The following GRM8 variants were observed in gnomAD, a reference collection of about 807,000 sequenced individuals.
GRM8 encodes metabotropic glutamate receptor 8.
In GRM8, 47 loss-of-function variants were observed where a neutral mutation model predicts 87.2. That is an observed-to-expected ratio of 0.54 (90% CI 0.43 to 0.69). The LOEUF (loss-of-function observed/expected upper bound fraction) is 0.69, where lower values mean the gene tolerates loss of function less well. Ranked by LOEUF, GRM8 falls within the 30% of genes least tolerant of loss-of-function variation. GRM8 has a pLI of 0.00. For synonymous variants in GRM8, 396 were observed against 404.5 expected (o/e 0.98, Z 0.25); for missense variants, 1,019 against 1,139.2 (o/e 0.89, Z 1.52).
chr7:127,019,624 C>T (rs1816058591), intron 3 of GRM8, among the ~76,000 whole-genome samples: 1 of 152,022 alleles, frequency 6.6e-6, no homozygotes, highest in Non-Finnish European at 1.5e-5. Context: ...CCAGCTTGAA[C>T]AAGTATTACA....
chr7:127,005,119 CT>C (rs10531563), intron 3 of GRM8, among the ~76,000 whole-genome samples: 3,065 of 136,316 alleles, frequency 0.022, 41 homozygotes, highest in African/African-American at 0.037. Flanking sequence ...CTGCTAGGAA[CT>C]TTTTTTTTTT....
chr7:127,143,075 C>T (rs1054068738), intron 2 of GRM8, among the ~76,000 whole-genome samples: 3 of 152,162 alleles, frequency 2.0e-5, no homozygotes, highest in African/African-American at 7.2e-5. Context: ...CATTCCCCTT[C>T]TCCCTTTCAA....
intron 8 of GRM8, among the ~76,000 whole-genome samples, chr7:126,587,819 ATCAT>A (rs1796296257): frequency 6.6e-6 from 1 of 152,038 alleles, no homozygotes; most frequent in Non-Finnish European, 1.5e-5. Flanking sequence ...AACTTAAAGT[ATCAT>A]AAAAAAAAGA....
intron 9 of GRM8, among the ~76,000 whole-genome samples, chr7:126,464,419 C>T (rs537374537): frequency 6.6e-5 from 10 of 151,300 alleles, no homozygotes; most frequent in South Asian, 2.1e-4. Flanking sequence ...ATTTTTGAAT[C>T]GATTCTGTCA....
chr7:126,814,781 G>A (rs1793623270), intron 6 of GRM8, among the ~76,000 whole-genome samples: 2 of 148,434 alleles, frequency 1.3e-5, no homozygotes, highest in African/African-American at 5.0e-5. Flanking sequence ...TCAAAAATAA[G>A]CCACTGCCCT....
chr7:127,188,716 C>A (rs1043694820), intron 2 of GRM8, among the ~76,000 whole-genome samples: 2 of 152,144 alleles, frequency 1.3e-5, no homozygotes, highest in African/African-American at 2.4e-5. Context: ...TATCAAATAG[C>A]AAGCAAAGCT....
Position 126,825,952 on chromosome 7 carries a change from T to G in GRM8, c.1157-55887A>C, listed in dbSNP as rs189730256. Among the ~76,000 whole-genome samples, 673 of 150,550 alleles carry G rather than the reference T, an allele frequency of 4.5e-3. 5 individuals are homozygous for G. Among genetic ancestry groups the G allele is most frequent in the Admixed American group, 7.2e-3 (109 of 15,122 alleles). Reference sequence around the variant, plus strand: ...GTTCTCATTGTTCAATTCCCATCTATGAATGAGAACATGCAGTGTTTAGTT... The same window carrying G: ...GTTCTCATTGTTCAATTCCCATCTAGGAATGAGAACATGCAGTGTTTAGTT... On this transcript the variant is annotated intron_variant, in intron 6 of 10. Coordinates refer to ENST00000339582, the MANE Select transcript of GRM8 (RefSeq NM_000845.3).
At chr7:126,629,035 T>C (rs1451669185) in intron 7 of GRM8, among the ~76,000 whole-genome samples, 1 of 152,100 alleles carries the variant, frequency 6.6e-6, no homozygotes, top group Non-Finnish European at 1.5e-5. Context: ...ACTAAAACTA[T>C]GGAAAAGAAA....
At chr7:127,025,962 A>G (rs545126938) in intron 3 of GRM8, among the ~76,000 whole-genome samples, 47 of 151,930 alleles carry the variant, frequency 3.1e-4, no homozygotes, top group Non-Finnish European at 6.2e-4. Flanking sequence ...TCAACTCATC[A>G]TTTACATTAG....
At chr7:126,870,976 T>C (rs1239311885) in intron 6 of GRM8, among the ~76,000 whole-genome samples, 1 of 152,214 alleles carries the variant, frequency 6.6e-6, no homozygotes, top group Non-Finnish European at 1.5e-5. Flanking sequence ...AGAGGAAAAC[T>C]TATTTTGCTA....
At chr7:126,984,571 C>T (rs1248980828) in intron 3 of GRM8, among the ~76,000 whole-genome samples, 1 of 152,224 alleles carries the variant, frequency 6.6e-6, no homozygotes, top group Non-Finnish European at 1.5e-5. Flanking sequence ...CTTTGGGACT[C>T]GGACTGGCTT....
chr7:126,744,817 G>A (rs1815453608), intron 7 of GRM8, among the ~76,000 whole-genome samples: 1 of 151,862 alleles, frequency 6.6e-6, no homozygotes, highest in Non-Finnish European at 1.5e-5. Flanking sequence ...GAATGCAGTG[G>A]AAGATATAAG....
chr7:126,773,618 A>G (rs1490564568), intron 6 of GRM8, among the ~76,000 whole-genome samples: 4 of 152,300 alleles, frequency 2.6e-5, no homozygotes, highest in South Asian at 2.1e-4. Context: ...ATTTATAAAG[A>G]TACTCCTCAG....
chr7:127,222,907 C>T (rs1797025829), intron 2 of GRM8, among the ~76,000 whole-genome samples: 1 of 152,170 alleles, frequency 6.6e-6, no homozygotes, highest in Admixed American at 6.5e-5. Flanking sequence ...GTGCTTGAGA[C>T]TGGTTCTACC....
intron 6 of GRM8, among the ~76,000 whole-genome samples, chr7:126,810,747 A>G (rs528708590): frequency 6.6e-6 from 1 of 152,172 alleles, no homozygotes; most frequent in Non-Finnish European, 1.5e-5. Context: ...AAGGAACTTT[A>G]TGTACCTCAC....
rs996114420 is a variant in GRM8, at chr7:126,685,177, G to A, written c.1358-75679C>T. On this transcript the variant is annotated intron_variant, in intron 7 of 10. Coordinates refer to ENST00000339582, the MANE Select transcript of GRM8 (RefSeq NM_000845.3). This position sits in a 1 kb window ranked among gnomAD's most constrained non-coding sequence, Gnocchi z 4.2. Reference sequence around the variant, plus strand: ...TATGGGGAGTTCATGGGGAAGAGGCGAATAGTCCCTAGAGACTTCCCCTGG... The same window carrying A: ...TATGGGGAGTTCATGGGGAAGAGGCAAATAGTCCCTAGAGACTTCCCCTGG... Among the ~76,000 whole-genome samples, 22 of 152,316 alleles carry A rather than the reference G, an allele frequency of 1.4e-4. No homozygotes were observed. Among genetic ancestry groups the A allele is most frequent in the South Asian group, 4.1e-4 (2 of 4,824 alleles).
chr7:126,581,669 G>A (rs1020872027), intron 8 of GRM8, among the ~76,000 whole-genome samples: 30 of 152,050 alleles, frequency 2.0e-4, no homozygotes, highest in African/African-American at 7.0e-4. Flanking sequence ...TTTTTTGCAA[G>A]TTGAATGCCG....
intron 3 of GRM8, among the ~76,000 whole-genome samples, chr7:127,017,097 AT>A (rs1442024324): frequency 6.6e-6 from 1 of 152,088 alleles, no homozygotes; most frequent in African/African-American, 2.4e-5. Flanking sequence ...GAATGGGAAC[AT>A]CTAATCTGTC....
intron 7 of GRM8, among the ~76,000 whole-genome samples, chr7:126,722,246 T>C (rs1469667436): frequency 6.6e-6 from 1 of 152,296 alleles, no homozygotes; most frequent in Admixed American, 6.5e-5. Context: ...CCCTTCCTCT[T>C]ATATTTATTT....
Sources: allele counts gnomAD v4.1 joint callset (sites outside exome capture counted in the v4.1 genomes callset), GRCh38; gene constraint gnomAD v4.1.1; non-coding constraint Gnocchi (gnomAD v3.1); transcripts MANE v1.5; gene names NCBI Gene and HGNC (gene_info 2026-07-23, HGNC 2026-07-21).